ST13: variants seen among roughly 807,000 people sequenced by gnomAD.
The protein encoded by ST13 is hsc70-interacting protein.
Under a neutral mutation model 56.7 loss-of-function variants are expected in ST13, and 23 were observed. The observed-to-expected ratio is 0.41, with a 90% CI of 0.29 to 0.57. The LOEUF is 0.57. Among genes scored for constraint, ST13 ranks in the 20% least tolerant of loss-of-function variants. The probability of loss-of-function intolerance (pLI) is 0.36; values close to 1 mark genes in which losing one functional copy is unlikely to be tolerated. For missense variants in ST13, 369 were observed against 459.9 expected (o/e 0.80, Z 1.81); for synonymous variants, 132 against 142.4 (o/e 0.93, Z 0.52).
intron 5 of ST13, among the ~76,000 whole-genome samples, chr22:40,837,807 C>T (rs770331883): frequency 1.6e-4 from 25 of 152,172 alleles, no homozygotes; most frequent in Non-Finnish European, 5.9e-5. Flanking sequence ...CGTGCTACCA[C>T]ATCCAGCTAA....
At chr22:40,852,470 T>C (rs538645535) in intron 1 of ST13, among the ~76,000 whole-genome samples, 24 of 152,326 alleles carry the variant, frequency 1.6e-4, no homozygotes, top group South Asian at 6.2e-4. Context: ...ACCCTGTAGG[T>C]TGCCTTTTCA....
intron 3 of ST13, 120 bp downstream of exon 3, chr22:40,848,170 ATTCT>A: frequency 1.5e-6 from 1 of 654,970 alleles, no homozygotes; most frequent in Non-Finnish European, 2.7e-6. Context: ...CTACTAGAAC[ATTCT>A]AAGTTTCATA....
chr22:40,849,953 G>A (rs534017189), intron 2 of ST13, among the ~76,000 whole-genome samples: 31 of 150,896 alleles, frequency 2.1e-4, no homozygotes, highest in African/African-American at 6.1e-4. Context: ...GCAGAAGAGA[G>A]AAATAAAAAA....
intron 1 of ST13, among the ~76,000 whole-genome samples, chr22:40,854,334 T>C (rs2057877358): frequency 6.6e-6 from 1 of 152,206 alleles, no homozygotes; most frequent in African/African-American, 2.4e-5. Flanking sequence ...AAAGCTTCTA[T>C]ATTAAATATC....
intron 9 of ST13, among the ~76,000 whole-genome samples, chr22:40,830,429 G>C (rs2057748699): frequency 6.6e-6 from 1 of 152,146 alleles, no homozygotes; most frequent in Non-Finnish European, 1.5e-5. Context: ...CAAGAGCTGG[G>C]ACTATAGGCA....
intron 1 of ST13, among the ~76,000 whole-genome samples, chr22:40,852,685 A>G (rs2057867991): frequency 6.6e-6 from 1 of 152,242 alleles, no homozygotes; most frequent in African/African-American, 2.4e-5. Context: ...CATGTCAAAC[A>G]TAAAGATTAT....
In ST13 at chr22:40,856,552, G is replaced by A. The variant is rs11539095; in HGVS notation, c.-12C>T. The A allele has an allele frequency of 4.1e-5, 66 of 1,609,670 alleles. No homozygotes were observed. The South Asian group carries it at 6.8e-4, about 17-fold the overall frequency. On this transcript the variant is annotated 5_prime_UTR_variant, in exon 1 of 12. Transcript: ENST00000216218. ...TTGCGGGGGTCCATGGTAGGGAGGTGGTGGGCGAAACTGGGGGGGCTACGG... is the reference window on the plus strand; with the variant it reads ...TTGCGGGGGTCCATGGTAGGGAGGTAGTGGGCGAAACTGGGGGGGCTACGG...
chr22:40,847,694 C>T (rs2057839478), intron 3 of ST13, among the ~76,000 whole-genome samples: 1 of 151,864 alleles, frequency 6.6e-6, no homozygotes, highest in Admixed American at 6.6e-5. Context: ...AGGGGTGCCA[C>T]ATGTGTAAAA....
In ST13 at chr22:40,835,570, T is replaced by A; in HGVS notation, c.568A>T (p.Lys190Ter). The A allele has an allele frequency of 6.2e-7, 1 of 1,610,666 alleles. No individual in the cohort carries two copies. ...DSAQPYKWRG[K>*]AHRLLGHWEE... Reference sequence around the variant, plus strand: ...AATTCAATTATTTACCTGTGTGCTTTCCCCCGCCACTTGTAAGGCTGAGCT... The same window carrying A: ...AATTCAATTATTTACCTGTGTGCTTACCCCCGCCACTTGTAAGGCTGAGCT... The change falls in exon 7 of 12, where the codon AAA (lysine) becomes TAA (stop). Residue 190 changes from lysine (K) to a stop codon, truncating the protein, a stop_gained. Coordinates refer to ENST00000216218, the MANE Select transcript of ST13 (RefSeq NM_003932.5). LOFTEE classifies it high-confidence loss of function.
rs779642938 is a variant in ST13 at position 40,844,920 on chromosome 22, C to A, written c.245-11G>T. ...CTTCTTTATCAATTTCTGCCAAAGT[C>A]GAGAAAATGACAATAAGACCTGCAC... On this transcript the variant is annotated splice_polypyrimidine_tract_variant and intron_variant, in intron 3 of 11. Transcript: ENST00000216218. 1.2e-6 allele frequency: 2 copies of A among 1,608,110 alleles called. No individual in the cohort carries two copies. The highest frequency in any genetic ancestry group is 1.7e-5 in the Admixed American group (1 of 59,744).
chr22:40,851,905 C>T (rs2057863342), intron 1 of ST13, among the ~76,000 whole-genome samples: 1 of 152,088 alleles, frequency 6.6e-6, no homozygotes, highest in African/African-American at 2.4e-5. Context: ...TGCCATCACA[C>T]CCAGCTGATT....
At chr22:40,849,916 A>AC (rs2057852772) in intron 2 of ST13, among the ~76,000 whole-genome samples, 1 of 151,684 alleles carries the variant, frequency 6.6e-6, no homozygotes, top group Non-Finnish European at 1.5e-5. Context: ...AATTTGCAAA[A>AC]AAAAAAAAAG....
rs374565224 is a variant in ST13, at chr22:40,848,284, G to T, written c.244+10C>A. On this transcript the variant is annotated intron_variant, in intron 3 of 11. Transcript: ENST00000216218. ...GGTTTTCAAATACAAACTAACTACCGTCTCCTCACCTAGATCACTTTCCTC... is the reference window on the plus strand; with the variant it reads ...GGTTTTCAAATACAAACTAACTACCTTCTCCTCACCTAGATCACTTTCCTC... The T allele has an allele frequency of 1.2e-6, 2 of 1,602,252 alleles. No individual in the cohort carries two copies. Among genetic ancestry groups the T allele is most frequent in the Non-Finnish European group, 8.6e-7 (1 of 1,169,574 alleles).
intron 1 of ST13, among the ~76,000 whole-genome samples, chr22:40,855,884 G>A (rs150382178): frequency 3.9e-5 from 6 of 152,188 alleles, no homozygotes; most frequent in Admixed American, 3.9e-4. Flanking sequence ...AGTAACGGAG[G>A]TATAATAAGT....
intron 5 of ST13, among the ~76,000 whole-genome samples, chr22:40,837,515 G>T (rs1375974739): frequency 1.3e-5 from 2 of 152,130 alleles, no homozygotes; most frequent in Non-Finnish European, 2.9e-5. Context: ...ATATGGTGGC[G>T]CATGCCTGTA....
At chr22:40,840,561 C>G in intron 5 of ST13, 65 bp downstream of exon 5, 2 of 1,397,324 alleles carry the variant, frequency 1.4e-6, no homozygotes, top group Non-Finnish European at 2.0e-6. Flanking sequence ...TCTACTTTAC[C>G]ACTATTTAAG....
Position 40,850,244 on chromosome 22 carries a change from T to C in ST13, c.168+579A>G, listed in dbSNP as rs145408870. ...GTGCACTCAGACCTGGGTGACACAG[T>C]GAGACTTTGTCTCAGGAAAGAAAAA... On this transcript the variant is annotated intron_variant, in intron 2 of 11. Coordinates refer to ENST00000216218, the MANE Select transcript of ST13 (RefSeq NM_003932.5). Among the ~76,000 whole-genome samples the C allele has an allele frequency of 3.6e-3, 551 of 152,318 alleles. 2 individuals carry two copies. Among genetic ancestry groups the C allele is most frequent in the African/African-American group, 0.012 (489 of 41,576 alleles).
chr22:40,829,753 T>A (rs945834899), intron 9 of ST13, 79 bp from the exon 10 acceptor site: 2 of 707,378 alleles, frequency 2.8e-6, no homozygotes, highest in Non-Finnish European at 2.1e-6. Flanking sequence ...TGCAAGACCA[T>A]GAAAAAATTG....
chr22:40,840,692 T>C lies in ST13; in HGVS notation c.316A>G (p.Ile106Val), dbSNP rs200552498. The C allele has an allele frequency of 8.7e-6, 14 of 1,607,446 alleles. No homozygotes were observed. Among genetic ancestry groups the C allele is most frequent in the East Asian group, 2.2e-5 (1 of 44,656 alleles). The change falls in exon 5 of 12, where the codon ATA becomes GTA. Residue 106 changes from isoleucine to valine, a missense_variant and splice_region_variant. Ile to Val is a conservative substitution (Grantham distance 29, BLOSUM62 3). Transcript: ENST00000216218. ...GCCTGATCCATCATCTCCTCCGTTA[T>C]CTAGGAAGAAAATAAAAATCATCTT... ...PQEMGDENAEITEEMMDQAND... is the reference protein window; with the variant it reads ...PQEMGDENAEVTEEMMDQAND...
Sources: gnomAD v4.1 joint callset for allele counts (sites outside exome capture counted in the v4.1 genomes callset) on GRCh38, gnomAD v4.1.1 for gene constraint, MANE v1.5 for transcripts, NCBI Gene and HGNC (gene_info 2026-07-23, HGNC 2026-07-21) for gene names.